Variants in CFAP157 observed in about 807,000 individuals in gnomAD.
CFAP157 encodes the protein cilia and flagella associated protein 157, also known as cilia- and flagella-associated protein 157.
CFAP157 carries 43 observed loss-of-function variants against 57.8 expected under a neutral mutation model. That is an observed-to-expected ratio of 0.74 (90% CI 0.58 to 0.96). CFAP157 has a LOEUF of 0.96. Ranked by LOEUF, CFAP157 falls within the 40% of genes least tolerant of loss-of-function variation. CFAP157 has a pLI of 0.00. For missense variants in CFAP157, 606 were observed against 655.3 expected, an observed-to-expected ratio of 0.92 and a Z score of 0.82; for synonymous variants, 267 against 269.0, an observed-to-expected ratio of 0.99 and a Z score of 0.07.
rs1564371182 is a variant in CFAP157 at position 127,715,265 on chromosome 9, C to A, written c.*1360C>A. 6.8e-7 allele frequency: 1 copy of A among 1,475,826 alleles called. No individual in the cohort carries two copies. The highest frequency in any genetic ancestry group is 9.2e-7 in the Non-Finnish European group (1 of 1,092,160). 91.4% of individuals were successfully genotyped at this position (1,475,826 alleles called of 1,614,324 possible). ...CCCCGATCTCACAGCGTCCCGTGGG[C>A]CCCAACGCAGAGGAGCGGAAACGCA... On this transcript the variant is annotated 3_prime_UTR_variant, in exon 9 of 9. Transcript: ENST00000373295. The surrounding 1 kb of genome is among the most constrained non-coding windows in gnomAD (Gnocchi z 5.8).
At position 127,711,212 on chromosome 9, in the gene CFAP157, C is replaced by T; in HGVS notation, c.588-17C>T. Reference sequence around the variant, plus strand: ...CCCGCTCTGTCTGACCCCTTCCCCTCCCACCTTTCTGGCCAGACTGAGGAA... The same window carrying T: ...CCCGCTCTGTCTGACCCCTTCCCCTTCCACCTTTCTGGCCAGACTGAGGAA... On this transcript the variant is annotated splice_polypyrimidine_tract_variant and intron_variant, in intron 3 of 8. Coordinates refer to ENST00000373295, the MANE Select transcript of CFAP157 (RefSeq NM_001012502.3). 6.2e-7 allele frequency: 1 copy of T among 1,611,574 alleles called. No homozygotes were observed.
Position 127,715,855 on chromosome 9 carries a change from T to C in CFAP157, c.*1950T>C. 1 of 940,346 alleles carries C rather than the reference T, an allele frequency of 1.1e-6. No homozygotes were observed. 58.3% of individuals were successfully genotyped at this position (940,346 alleles called of 1,614,324 possible). On this transcript the variant is annotated 3_prime_UTR_variant, in exon 9 of 9. Coordinates refer to ENST00000373295, the MANE Select transcript of CFAP157 (RefSeq NM_001012502.3). The surrounding 1 kb of genome is among the most constrained non-coding windows in gnomAD (Gnocchi z 5.8). Reference sequence around the variant, plus strand: ...CGTCACAGTGTCCCTTCGGGACTTGTGTGGGACGCTCGGAGCTCTTGCTTG... The same window carrying C: ...CGTCACAGTGTCCCTTCGGGACTTGCGTGGGACGCTCGGAGCTCTTGCTTG...
chr9:127,712,501 C>A (rs1842789817), intron 6 of CFAP157, 152 bp downstream of exon 6: 4 of 1,463,102 alleles, frequency 2.7e-6, no homozygotes, highest in Non-Finnish European at 3.7e-6. Flanking sequence ...TTCTGGCCTT[C>A]AAAGATCCCT....
rs1842739428 is a variant in CFAP157 at position 127,710,471 on chromosome 9, G to C, written c.434-130G>C. On this transcript the variant is annotated intron_variant, in intron 2 of 8. Transcript: ENST00000373295. The stretch of plus-strand genomic sequence containing the variant: ...CAGGCAGGGTAGGTGGGGGATGGTA[G>C]ACCTGCCCCACTGAGACCACACAGG... The C allele has an allele frequency of 4.5e-6, 5 of 1,123,280 alleles. No individual in the cohort carries two copies. The South Asian group carries it at 6.1e-5, about 14-fold the overall frequency. 69.6% of individuals were successfully genotyped at this position (1,123,280 alleles called of 1,614,324 possible).
Position 127,713,987 on chromosome 9 carries a change from C to CAGTCTAG in CFAP157, c.*85_*91dup. Reference sequence around the variant, plus strand: ...ACTTTAATCCGCAGGCAGCCTGGAACAGTCTAGAGGAGATTTGTATAAAAA... The same window carrying CAGTCTAG: ...ACTTTAATCCGCAGGCAGCCTGGAACAGTCTAGAGTCTAGAGGAGATTTGTATAAAAA... On this transcript the variant is annotated 3_prime_UTR_variant, in exon 9 of 9. Coordinates refer to ENST00000373295, the MANE Select transcript of CFAP157 (RefSeq NM_001012502.3). 6.3e-7 allele frequency: 1 copy of CAGTCTAG among 1,577,266 alleles called. No individual in the cohort carries two copies. Among genetic ancestry groups the CAGTCTAG allele is most frequent in the South Asian group, 1.1e-5 (1 of 90,166 alleles).
chr9:127,707,375 G>A (rs1475709633), intron 1 of CFAP157, among the ~76,000 whole-genome samples, 183 bp downstream of exon 1: 3 of 152,178 alleles, frequency 2.0e-5, no homozygotes, highest in African/African-American at 2.4e-5. Flanking sequence ...TCAAGATTTT[G>A]AGGGTAAATG....
Position 127,714,643 on chromosome 9 carries a change from G to T in CFAP157, c.*738G>T. 6.2e-7 allele frequency: 1 copy of T among 1,613,952 alleles called. No individual in the cohort carries two copies. Among genetic ancestry groups the T allele is most frequent in the Non-Finnish European group, 8.5e-7 (1 of 1,179,950 alleles). On this transcript the variant is annotated 3_prime_UTR_variant, in exon 9 of 9. Transcript: ENST00000373295. ...AGCTTCAGAGCCAGTCTCCCCAGGG[G>T]CTTGTCCAGCTCATCATGCACCAGG...
intron 1 of CFAP157, among the ~76,000 whole-genome samples, chr9:127,708,515 T>A (rs1842696729): frequency 6.6e-6 from 1 of 152,166 alleles, no homozygotes; most frequent in Non-Finnish European, 1.5e-5. Flanking sequence ...TAAAAAAAAC[T>A]TTTCAAGTAA....
At position 127,715,307 on chromosome 9, in the gene CFAP157, G is replaced by A. The variant is rs772141483; in HGVS notation, c.*1402G>A. On this transcript the variant is annotated 3_prime_UTR_variant, in exon 9 of 9. Coordinates refer to ENST00000373295, the MANE Select transcript of CFAP157 (RefSeq NM_001012502.3). The surrounding 1 kb of genome is among the most constrained non-coding windows in gnomAD (Gnocchi z 5.8). ...GGAAACGCAGAGCAACGCTGCAGTG[G>A]GGAAGGGGCGCGAAGAAGGGGCCCA... 21 of 1,336,318 alleles carry A rather than the reference G, an allele frequency of 1.6e-5. No individual in the cohort carries two copies. Among genetic ancestry groups the A allele is most frequent in the South Asian group, 1.1e-4 (9 of 79,920 alleles). The allele number at this position is 1,336,318 out of a possible 1,614,324, so 82.8% of individuals were successfully genotyped here.
rs1256470531 is a variant in CFAP157 at position 127,709,573 on chromosome 9, C to T, written c.313C>T (p.Leu105Phe). The T allele has an allele frequency of 3.7e-6, 6 of 1,613,978 alleles. No homozygotes were observed. Among genetic ancestry groups the T allele is most frequent in the Non-Finnish European group, 5.1e-6 (6 of 1,180,042 alleles). The change falls in exon 2 of 9, where the codon CTC becomes TTC. Residue 105 changes from leucine (L) to phenylalanine (F), a missense_variant. By Grantham distance (22) the Leu-to-Phe change is conservative (BLOSUM62 0). Transcript: ENST00000373295. This position sits in a 1 kb window ranked among gnomAD's most constrained non-coding sequence, Gnocchi z 4.7. The part of the protein sequence containing the change: ...VDEITDLNEQ[L>F]QNLQLAKEME... ...TGAGATCACAGACCTCAACGAGCAG[C>T]TCCAGAACTTGCAGCTAGCCAAAGA...
Position 127,709,635 on chromosome 9 carries a change from G to A in CFAP157, c.375G>A (p.Gln125=). 1 of 1,613,812 alleles carries A rather than the reference G, an allele frequency of 6.2e-7. No individual in the cohort carries two copies. Among genetic ancestry groups the A allele is most frequent in the Non-Finnish European group, 8.5e-7 (1 of 1,180,022 alleles). The change falls in exon 2 of 9, where the codon CAG becomes CAA. Residue 125 remains glutamine, a synonymous_variant. Coordinates refer to ENST00000373295, the MANE Select transcript of CFAP157 (RefSeq NM_001012502.3). The surrounding 1 kb of genome is among the most constrained non-coding windows in gnomAD (Gnocchi z 4.7). ...ATGCCTTCGAGGCGCAGCTGGCCCA[G>A]GTGCGCCACGAGTTCCAGGAGACCA... The part of the protein sequence containing the change: ...EKDAFEAQLA[Q]VRHEFQETKD...
At chr9:127,710,812 CA>C in intron 3 of CFAP157, 58 bp downstream of exon 3, 1 of 1,534,916 alleles carries the variant, frequency 6.5e-7, no homozygotes, top group Non-Finnish European at 8.8e-7. Flanking sequence ...GGGCTACGAA[CA>C]TCCTAGTCTT....
chr9:127,715,376 C>A lies in CFAP157; in HGVS notation c.*1471C>A, dbSNP rs1046896173. 3.2e-6 allele frequency: 4 copies of A among 1,245,516 alleles called. No individual in the cohort carries two copies. The African/African-American group carries it at 4.5e-5, about 14-fold the overall frequency. The allele number at this position is 1,245,516 out of a possible 1,614,324, so 77.2% of individuals were successfully genotyped here. On this transcript the variant is annotated 3_prime_UTR_variant, in exon 9 of 9. Transcript: ENST00000373295. This position sits in a 1 kb window ranked among gnomAD's most constrained non-coding sequence, Gnocchi z 5.8. ...ACTCCAGAAGGCTGGGCAGGCAGGGCGCCCTAGTGCAGGAACGGAGCTTCA... is the reference window on the plus strand; with the variant it reads ...ACTCCAGAAGGCTGGGCAGGCAGGGAGCCCTAGTGCAGGAACGGAGCTTCA...
rs767938648 is a variant in CFAP157, at chr9:127,712,374, G to T, written c.1137+25G>T. On this transcript the variant is annotated intron_variant, in intron 6 of 8. Coordinates refer to ENST00000373295, the MANE Select transcript of CFAP157 (RefSeq NM_001012502.3). ...GGTGAGCAGAAGGGAGAGAGGGAGG[G>T]CGCAAGGGGAGGGGGAGTGAGCGCA... 4 of 1,612,224 alleles carry T rather than the reference G, an allele frequency of 2.5e-6. No homozygotes were observed. The East Asian group carries it at 8.9e-5, about 36-fold the overall frequency.
At position 127,712,240 on chromosome 9, in the gene CFAP157, A is replaced by G; in HGVS notation, c.1028A>G (p.Gln343Arg). ...DQLSLQLEQQ[Q>R]VDLQRLQQEL... ...CTGAGCCTGCAGCTGGAGCAGCAGC[A>G]GGTGGATTTGCAGCGGCTACAGCAG... The change falls in exon 6 of 9, where the codon CAG (glutamine) becomes CGG (arginine). Residue 343 changes from glutamine to arginine, a missense_variant. By Grantham distance (43) the Gln-to-Arg change is conservative. Transcript: ENST00000373295. The G allele has an allele frequency of 1.2e-6, 2 of 1,614,084 alleles. No homozygotes were observed. Among genetic ancestry groups the G allele is most frequent in the South Asian group, 2.2e-5 (2 of 91,070 alleles).
rs1842829747 is a variant in CFAP157, at chr9:127,713,891, C to T, written c.1549C>T (p.Leu517=). The change falls in exon 9 of 9, where the codon CTA becomes TTA. Residue 517 remains leucine (L), a synonymous_variant. Coordinates refer to ENST00000373295, the MANE Select transcript of CFAP157 (RefSeq NM_001012502.3). Reference sequence around the variant, plus strand: ...AAAGTTTAGTCTTCCTGAAGTTCCCCTACGTCCCAAGTAGGACACAGAGAG... The same window carrying T: ...AAAGTTTAGTCTTCCTGAAGTTCCCTTACGTCCCAAGTAGGACACAGAGAG... ...LEKFSLPEVP[L]RPK The T allele has an allele frequency of 1.2e-6, 2 of 1,613,792 alleles. No homozygotes were observed. The highest frequency in any genetic ancestry group is 1.7e-6 in the Non-Finnish European group (2 of 1,179,954).
At chr9:127,713,484 G>T in intron 8 of CFAP157, 1 of 292,994 alleles carries the variant, frequency 3.4e-6, no homozygotes, top group Non-Finnish European at 6.2e-6. Flanking sequence ...CAGCTTCCAA[G>T]CCAGCATCTT....
Position 127,713,936 on chromosome 9 carries a change from G to T in CFAP157, c.*31G>T. On this transcript the variant is annotated 3_prime_UTR_variant, in exon 9 of 9. Coordinates refer to ENST00000373295, the MANE Select transcript of CFAP157 (RefSeq NM_001012502.3). The stretch of plus-strand genomic sequence containing the variant: ...AGAGAGAAGAACCTACTCCAGAAAT[G>T]GACTGGTCCAGTCACAGTCACCCCC... 6.2e-7 allele frequency: 1 copy of T among 1,602,586 alleles called. No homozygotes were observed. The highest frequency in any genetic ancestry group is 8.5e-7 in the Non-Finnish European group (1 of 1,169,708).
chr9:127,709,781 A>G lies in CFAP157; in HGVS notation c.433+88A>G. 1 of 1,394,612 alleles carries G rather than the reference A, an allele frequency of 7.2e-7. No homozygotes were observed. Among genetic ancestry groups the G allele is most frequent in the Non-Finnish European group, 9.8e-7 (1 of 1,020,884 alleles). The allele number at this position is 1,394,612 out of a possible 1,614,324, so 86.4% of individuals were successfully genotyped here. A position where few individuals can be genotyped will look rare whatever the true frequency, so the allele number is the denominator to read the frequency against. On this transcript the variant is annotated intron_variant, in intron 2 of 8. Coordinates refer to ENST00000373295, the MANE Select transcript of CFAP157 (RefSeq NM_001012502.3). The surrounding 1 kb of genome is among the most constrained non-coding windows in gnomAD (Gnocchi z 4.7). ...TTCTCACCTGGGAAACAGGGATAAT[A>G]GCCACATGCTGCTTGGCACACACTG...
Sources: gnomAD v4.1 joint callset for allele counts (sites outside exome capture counted in the v4.1 genomes callset) on GRCh38, gnomAD v4.1.1 for gene constraint, Gnocchi (gnomAD v3.1) non-coding constraint, MANE v1.5 for transcripts, NCBI Gene and HGNC (gene_info 2026-07-23, HGNC 2026-07-21) for gene names.